PTPRZ1: variants seen among roughly 807,000 people sequenced by gnomAD.
The protein encoded by PTPRZ1 is receptor-type tyrosine-protein phosphatase zeta.
Under a neutral mutation model 214.1 loss-of-function variants are expected in PTPRZ1, and 82 were observed. That is an observed-to-expected ratio of 0.38 (90% CI 0.32 to 0.46). The LOEUF (loss-of-function observed/expected upper bound fraction) is 0.46. PTPRZ1 is among the 20% of genes least tolerant of loss of function. PTPRZ1 has a pLI of 1.00. For synonymous variants in PTPRZ1, 945 were observed against 987.9 expected (o/e 0.96, Z 0.81); for missense variants, 2,603 against 2,748.7 (o/e 0.95, Z 1.19).
chr7:121,964,871 G>C (rs1796996870), intron 2 of PTPRZ1, among the ~76,000 whole-genome samples: 1 of 152,160 alleles, frequency 6.6e-6, no homozygotes, highest in African/African-American at 2.4e-5. Context: ...GCTTTTGCAT[G>C]CTCAAGGGAC....
At chr7:121,975,599 G>C (rs1419160152) in intron 4 of PTPRZ1, among the ~76,000 whole-genome samples, 1 of 152,150 alleles carries the variant, frequency 6.6e-6, no homozygotes, top group African/African-American at 2.4e-5. Context: ...TCTAGCCTGA[G>C]ACACCTGATT....
chr7:122,053,151 G>A lies in PTPRZ1; in HGVS notation c.6253-759G>A, dbSNP rs186582160. 2.9e-3 allele frequency among the ~76,000 whole-genome samples: 444 copies of A among 152,212 alleles called. 1 individual carries two copies. Among genetic ancestry groups the A allele is most frequent in the Non-Finnish European group, 5.0e-3 (343 of 68,006 alleles). On this transcript the variant is annotated intron_variant, in intron 25 of 29. Coordinates refer to ENST00000393386, the MANE Select transcript of PTPRZ1 (RefSeq NM_002851.3). ...CATAGAGCTTAGGCAGAGCAAGCAGGGAAAGAGAGAAAAGGACCCATGGAC... is the reference window on the plus strand; with the variant it reads ...CATAGAGCTTAGGCAGAGCAAGCAGAGAAAGAGAGAAAAGGACCCATGGAC...
rs61758738 is a variant in PTPRZ1 at position 122,012,847 on chromosome 7, G to A, written c.3801G>A (p.Glu1267=). 3.2e-4 allele frequency: 509 copies of A among 1,613,698 alleles called. No individual in the cohort carries two copies. The highest frequency in any genetic ancestry group is 4.2e-4 in the Non-Finnish European group (496 of 1,179,742). ...LQGLTISYAS[E]KYEPVLLKSE... ...GTTTGACCATTTCCTATGCAAGTGA[G>A]AAATATGAACCAGTTTTGTTAAAAA... Residue 1267 remains glutamate, a synonymous_variant, in exon 12 of 30, where the codon GAG becomes GAA. Transcript: ENST00000393386.
At chr7:122,055,626 C>A (rs767334960) in intron 27 of PTPRZ1, among the ~76,000 whole-genome samples, 10 of 151,748 alleles carry the variant, frequency 6.6e-5, no homozygotes, top group Non-Finnish European at 1.5e-4. Context: ...TCTTGGTTAT[C>A]TATTACACAA....
chr7:122,036,300 A>T (rs1223426664), intron 17 of PTPRZ1, among the ~76,000 whole-genome samples: 2 of 152,214 alleles, frequency 1.3e-5, no homozygotes, highest in Non-Finnish European at 2.9e-5. Context: ...AGAAACTTTT[A>T]TCTCAAACTA....
At position 122,013,572 on chromosome 7, in the gene PTPRZ1, A is replaced by G. The variant is rs139533658; in HGVS notation, c.4526A>G (p.Asn1509Ser). ...DRSPGKSPSA[N>S]GLSQKHNDGK... ...AGTCCTGGTAAATCACCATCAGCAA[A>G]TGGGCTATCCCAAAAGCACAATGAT... Residue 1509 changes from asparagine to serine, a missense_variant, in exon 12 of 30, where the codon AAT (asparagine) becomes AGT (serine). Asn to Ser is a conservative substitution (Grantham distance 46). Around this residue, in one of 6 missense-constraint regions of PTPRZ1, gnomAD observed 1,913 missense variants for 1,914.3 expected, o/e 1.00. Transcript: ENST00000393386. The G allele has an allele frequency of 7.4e-6, 12 of 1,614,110 alleles. No individual in the cohort carries two copies. The highest frequency in any genetic ancestry group is 1.7e-5 in the Admixed American group (1 of 60,002).
At position 121,976,156 on chromosome 7, in the gene PTPRZ1, C is replaced by A. The variant is rs570694325; in HGVS notation, c.457-17C>A. ...AAGTCTTTGTGTATCATAAAACTAT[C>A]ATTGTTACTTTTATAGATGCAAATC... On this transcript the variant is annotated splice_polypyrimidine_tract_variant and intron_variant, in intron 4 of 29. Coordinates refer to ENST00000393386, the MANE Select transcript of PTPRZ1 (RefSeq NM_002851.3). The A allele has an allele frequency of 5.8e-6, 9 of 1,540,828 alleles. No individual in the cohort carries two copies. Among genetic ancestry groups the A allele is most frequent in the South Asian group, 4.5e-5 (4 of 88,128 alleles).
intron 2 of PTPRZ1, among the ~76,000 whole-genome samples, chr7:121,967,474 A>G (rs1429732448): frequency 6.6e-6 from 1 of 152,202 alleles, no homozygotes; most frequent in African/African-American, 2.4e-5. Context: ...CTTTACTCCT[A>G]TATCTGGATT....
At chr7:121,993,106 C>T (rs745450753) in intron 8 of PTPRZ1, among the ~76,000 whole-genome samples, 1 of 152,122 alleles carries the variant, frequency 6.6e-6, no homozygotes, top group East Asian at 1.9e-4. Context: ...TCAACAGTTT[C>T]GAACTCCTCA....
chr7:122,059,585 T>C, intron 28 of PTPRZ1, 168 bp from the exon 29 acceptor site: 1 of 731,224 alleles, frequency 1.4e-6, no homozygotes, highest in Admixed American at 2.8e-5. Flanking sequence ...CTTGGCAATA[T>C]TTCAGATTAA....
intron 23 of PTPRZ1, 63 bp from the exon 24 acceptor site, chr7:122,051,359 ATGTGTG>A: frequency 1.1e-6 from 1 of 931,066 alleles, no homozygotes. Flanking sequence ...GTCTGTATGT[ATGTGTG>A]TGTGTGTGTA....
chr7:121,904,957 G>A (rs1247021423), intron 1 of PTPRZ1, among the ~76,000 whole-genome samples: 2 of 152,110 alleles, frequency 1.3e-5, no homozygotes, highest in Admixed American at 1.3e-4. Flanking sequence ...CTTGAGTTTG[G>A]TAGATTTAAA....
Position 122,012,998 on chromosome 7 carries a change from T to C in PTPRZ1, c.3952T>C (p.Ser1318Pro). 6.2e-7 allele frequency: 1 copy of C among 1,614,162 alleles called. No homozygotes were observed. Among genetic ancestry groups the C allele is most frequent in the South Asian group, 1.1e-5 (1 of 91,078 alleles). Residue 1318 changes from serine (S) to proline (P), a missense_variant, in exon 12 of 30, where the codon TCA becomes CCA. Around this residue, in one of 6 missense-constraint regions of PTPRZ1, gnomAD observed 1,913 missense variants for 1,914.3 expected, o/e 1.00. Coordinates refer to ENST00000393386, the MANE Select transcript of PTPRZ1 (RefSeq NM_002851.3). ...GRHVFATPVL[S>P]IDEPLNTLIN... ...GCATGTATTTGCTACACCTGTTTTA[T>C]CAATTGATGAACCATTAAATACACT... is the stretch of plus-strand genomic sequence containing the variant.
chr7:121,885,910 CAGCCAAAT>C (rs1410318533), intron 1 of PTPRZ1, among the ~76,000 whole-genome samples: 1 of 152,170 alleles, frequency 6.6e-6, no homozygotes, highest in Non-Finnish European at 1.5e-5. Flanking sequence ...ATCAAATATT[CAGCCAAAT>C]AGTCTCTCTG....
intron 6 of PTPRZ1, among the ~76,000 whole-genome samples, chr7:121,979,427 G>T (rs1394459709): frequency 6.6e-6 from 1 of 152,192 alleles, no homozygotes; most frequent in Non-Finnish European, 1.5e-5. Flanking sequence ...ATTCTCATCA[G>T]ACTGATTTAT....
chr7:121,967,486 C>T (rs1032111932), intron 2 of PTPRZ1, among the ~76,000 whole-genome samples: 4 of 152,274 alleles, frequency 2.6e-5, no homozygotes, highest in Non-Finnish European at 4.4e-5. Context: ...ATCTGGATTC[C>T]TTTCAATCTG....
chr7:121,893,648 A>T (rs1402274334), intron 1 of PTPRZ1, among the ~76,000 whole-genome samples: 1 of 152,190 alleles, frequency 6.6e-6, no homozygotes, highest in African/African-American at 2.4e-5. Flanking sequence ...GTGACTGTAG[A>T]AAAAGGGGGA....
chr7:121,901,745 T>C (rs1794967449), intron 1 of PTPRZ1, among the ~76,000 whole-genome samples: 1 of 152,206 alleles, frequency 6.6e-6, no homozygotes, highest in Non-Finnish European at 1.5e-5. Flanking sequence ...CAATTGTACA[T>C]ATTTATGGGC....
At chr7:121,934,628 A>C (rs1267228355) in intron 2 of PTPRZ1, among the ~76,000 whole-genome samples, 2 of 152,130 alleles carry the variant, frequency 1.3e-5, no homozygotes, top group Non-Finnish European at 2.9e-5. Flanking sequence ...GAGCAAGTAC[A>C]TTATGAATCC....
Sources: allele counts gnomAD v4.1 joint callset (sites outside exome capture counted in the v4.1 genomes callset), GRCh38; gene constraint gnomAD v4.1.1; regional missense constraint gnomAD v4.1.1; transcripts MANE v1.5; gene names NCBI Gene and HGNC (gene_info 2026-07-23, HGNC 2026-07-21).